Variants in MICAL2 observed in about 807,000 individuals in gnomAD.
MICAL2 encodes [F-actin]-monooxygenase MICAL2.
A neutral mutation model predicts 127.3 loss-of-function variants in MICAL2; 77 were observed. The ratio of observed to expected loss-of-function variants is 0.60; its 90% CI spans 0.50 to 0.73. The LOEUF is 0.73. MICAL2 is among the 30% of genes least tolerant of loss of function. The pLI is 0.00. For missense variants in MICAL2, 1,351 were observed against 1,434.4 expected (o/e 0.94, Z 0.94); for synonymous variants, 570 against 551.1 (o/e 1.03, Z -0.48).
chr11:12,160,616 T>C (rs1854671581), intron 2 of MICAL2, among the ~76,000 whole-genome samples: 1 of 152,246 alleles, frequency 6.6e-6, no homozygotes, highest in Admixed American at 6.5e-5. Context: ...CCCAGTCTTC[T>C]AGTAAAATAA....
chr11:12,162,021 A>G, intron 2 of MICAL2, 58 bp from the exon 3 acceptor site: 1 of 1,203,138 alleles, frequency 8.3e-7, no homozygotes. Context: ...CTCAGCACCC[A>G]TCCCCCACCC....
intron 2 of MICAL2, among the ~76,000 whole-genome samples, chr11:12,150,314 T>G (rs564947550): frequency 1.5e-4 from 22 of 151,720 alleles, no homozygotes; most frequent in Non-Finnish European, 2.9e-4. Flanking sequence ...AAAAATGAGG[T>G]CAAATGGTAC....
downstream of MICAL2, chr11:12,294,680 A>T: frequency 6.2e-7 from 1 of 1,614,204 alleles, no homozygotes; most frequent in Non-Finnish European, 8.5e-7. Flanking sequence ...ATCCAGACAA[A>T]GAAAGGACAT....
chr11:12,225,117 A>C (rs527461223), intron 13 of MICAL2, among the ~76,000 whole-genome samples: 6 of 146,250 alleles, frequency 4.1e-5, no homozygotes, highest in African/African-American at 1.5e-4. Flanking sequence ...GAATTTGAGC[A>C]TTCACACCTT....
chr11:12,349,719 A>T, intron 32 of MICAL2: 2 of 850,500 alleles, frequency 2.4e-6, no homozygotes, highest in Non-Finnish European at 3.8e-6. Flanking sequence ...GGTGTCAGGG[A>T]GCTGCTGCCT....
intron 1 of MICAL2, among the ~76,000 whole-genome samples, chr11:12,277,762 C>G (rs1244752780): frequency 6.6e-6 from 1 of 152,150 alleles, no homozygotes; most frequent in Non-Finnish European, 1.5e-5. Flanking sequence ...GAGATATGTT[C>G]TAAGAAATGT....
intron 2 of MICAL2, among the ~76,000 whole-genome samples, chr11:12,153,026 C>A (rs1853768275): frequency 6.6e-6 from 1 of 151,192 alleles, no homozygotes; most frequent in Non-Finnish European, 1.5e-5. Flanking sequence ...TCATTTTAAC[C>A]TTTTTTTTGT....
intron 11 of MICAL2, 25 bp from the exon 12 acceptor site, chr11:12,223,386 G>T: frequency 6.2e-7 from 1 of 1,600,986 alleles, no homozygotes; most frequent in Non-Finnish European, 8.6e-7. Context: ...AAACTGGTGG[G>T]CAAGCATGTC....
intron 31 of MICAL2, chr11:12,324,085 T>C (rs1864330192): frequency 3.7e-6 from 6 of 1,601,638 alleles, no homozygotes; most frequent in Non-Finnish European, 5.1e-6. Context: ...GTAAATAAAC[T>C]GGACATGAGT....
downstream of MICAL2, among the ~76,000 whole-genome samples, chr11:12,289,556 G>GT (rs755038754): frequency 5.1e-3 from 200 of 39,156 alleles, 7 homozygotes; most frequent in Admixed American, 6.1e-3. Flanking sequence ...GGCACCTCTT[G>GT]TTTTTTTTTG....
downstream of MICAL2, among the ~76,000 whole-genome samples, chr11:12,359,764 A>C (rs1053525587): frequency 1.3e-5 from 2 of 152,200 alleles, no homozygotes; most frequent in African/African-American, 4.8e-5. Flanking sequence ...GGATTCTTTG[A>C]AGATTTAGTC....
chr11:12,326,905 G>A (rs1210095425), intron 31 of MICAL2, among the ~76,000 whole-genome samples: 1 of 152,206 alleles, frequency 6.6e-6, no homozygotes, highest in African/African-American at 2.4e-5. Flanking sequence ...GGACATCTGT[G>A]ATTGGCCTTG....
intron 2 of MICAL2, among the ~76,000 whole-genome samples, chr11:12,281,991 C>T (rs1469502217): frequency 6.6e-6 from 1 of 152,158 alleles, no homozygotes; most frequent in Non-Finnish European, 1.5e-5. Context: ...CCTTAGTTGC[C>T]CTGGGAGAGC....
chr11:12,302,863 A>G (rs537418706), intron 29 of MICAL2, among the ~76,000 whole-genome samples: 25 of 152,318 alleles, frequency 1.6e-4, no homozygotes, highest in Non-Finnish European at 2.9e-4. Flanking sequence ...AAATTTATCA[A>G]TACTTTCTGT....
chr11:12,330,861 T>G (rs113347772), intron 32 of MICAL2, among the ~76,000 whole-genome samples: 11,722 of 64,724 alleles, frequency 0.18, 18 homozygotes, highest in Middle Eastern at 0.21. Flanking sequence ...GAGAGAGGGG[T>G]AGAGAGAGAG....
At chr11:12,126,651 A>G (rs1022456717) in intron 1 of MICAL2, among the ~76,000 whole-genome samples, 1 of 151,390 alleles carries the variant, frequency 6.6e-6, no homozygotes, top group East Asian at 1.9e-4. Context: ...ATAAGGCTCA[A>G]CTTCTCCTCC....
In MICAL2 at chr11:12,319,445, T is replaced by C. The variant is rs1258674107; in HGVS notation, c.5213-251T>C. On this transcript the variant is annotated intron_variant, in intron 29 of 34. Transcript: ENST00000646065. ...GATTTCTGCATAATACCTTGGTTTT[T>C]TCTTTTTTTTTTTTAATGTGAAAAG... Among the ~76,000 whole-genome samples the C allele has an allele frequency of 1.1e-4, 3 of 27,826 alleles. No homozygotes were observed. The East Asian group carries it at 3.8e-3, about 35-fold the overall frequency. 18.3% of individuals were successfully genotyped at this position (27,826 alleles called of 152,430 possible).
intron 1 of MICAL2, among the ~76,000 whole-genome samples, chr11:12,122,127 T>C (rs927467481): frequency 2.0e-5 from 3 of 152,242 alleles, no homozygotes; most frequent in African/African-American, 7.2e-5. Flanking sequence ...CTGTAAACAC[T>C]GGACAAGCCA....
chr11:12,125,078 C>T (rs953326255), intron 1 of MICAL2, among the ~76,000 whole-genome samples: 7 of 152,232 alleles, frequency 4.6e-5, no homozygotes, highest in African/African-American at 1.7e-4. Context: ...TTCCTGCGCT[C>T]TCAGGGTGTC....
Sources: allele counts gnomAD v4.1 joint callset (sites outside exome capture counted in the v4.1 genomes callset), GRCh38; gene constraint gnomAD v4.1.1; transcripts MANE v1.5; gene names NCBI Gene and HGNC (gene_info 2026-07-23, HGNC 2026-07-21).